CLIP2: variants seen among roughly 807,000 people sequenced by gnomAD.
The protein encoded by CLIP2 is CAP-Gly domain containing linker protein 2.
CLIP2 carries 41 observed loss-of-function variants against 111.7 expected under a neutral mutation model. That is an observed-to-expected ratio of 0.37 (90% confidence interval 0.29 to 0.48). The LOEUF is 0.48. CLIP2 is among the 20% of genes least tolerant of loss of function. CLIP2 has a pLI of 0.99. For missense variants in CLIP2, 1,160 were observed against 1,422.1 expected (o/e 0.82, Z 2.96); for synonymous variants, 660 against 644.2 (o/e 1.02, Z -0.37).
intron 1 of CLIP2, among the ~76,000 whole-genome samples, chr7:74,314,892 G>C (rs568796288): frequency 6.6e-6 from 1 of 152,242 alleles, no homozygotes; most frequent in East Asian, 1.9e-4. Flanking sequence ...CCCCTAAACA[G>C]ATAGCATCAT....
intron 8 of CLIP2, among the ~76,000 whole-genome samples, chr7:74,367,221 C>T (rs1798934807): frequency 6.6e-6 from 1 of 151,212 alleles, no homozygotes; most frequent in Admixed American, 6.6e-5. Flanking sequence ...GATGGAGTCT[C>T]GCTCTGTCAC....
chr7:74,337,280 A>G (rs1424863348), intron 2 of CLIP2, among the ~76,000 whole-genome samples: 5 of 152,094 alleles, frequency 3.3e-5, no homozygotes, highest in Non-Finnish European at 7.4e-5. Flanking sequence ...GGAGAGAGTT[A>G]GGAGGGTTTT....
intron 3 of CLIP2, among the ~76,000 whole-genome samples, chr7:74,347,753 A>G (rs1554306657): frequency 2.6e-5 from 4 of 152,218 alleles, no homozygotes; most frequent in East Asian, 1.9e-4. Flanking sequence ...ATATGTGACT[A>G]TGAATATTCA....
In CLIP2 at chr7:74,376,896, C is replaced by T; in HGVS notation, c.2421+74C>T. The T allele has an allele frequency of 2.2e-6, 3 of 1,348,154 alleles. No homozygotes were observed. The highest frequency in any genetic ancestry group is 3.0e-6 in the Non-Finnish European group (3 of 1,011,350). The allele number at this position is 1,348,154 out of a possible 1,614,324, so 83.5% of individuals were successfully genotyped here. ...GCTTGGCCTTTTGCTGACCTCTGTT[C>T]TGCAGCCCAGGAAGCATTTCCCTTG... On this transcript the variant is annotated intron_variant, in intron 10 of 16. Transcript: ENST00000223398. The surrounding 1 kb of genome is among the most constrained non-coding windows in gnomAD (Gnocchi z 7.1).
At chr7:74,389,664 C>T (rs976967388) in intron 13 of CLIP2, among the ~76,000 whole-genome samples, 13 of 150,730 alleles carry the variant, frequency 8.6e-5, no homozygotes, top group Non-Finnish European at 1.8e-4. Context: ...CTTGGGAGGC[C>T]GAGGCAGCCG....
At chr7:74,383,599 CAGCCATTTTAA>C (rs1554314300) in intron 11 of CLIP2, among the ~76,000 whole-genome samples, 1 of 152,172 alleles carries the variant, frequency 6.6e-6, no homozygotes, top group Non-Finnish European at 1.5e-5. Context: ...AACATACAAT[CAGCCATTTTAA>C]AGCAAACACT....
chr7:74,376,343 G>A lies in CLIP2; in HGVS notation c.1942G>A (p.Glu648Lys), dbSNP rs782209088. Residue 648 changes from glutamate (E) to lysine (K), a missense_variant, in exon 10 of 17, where the codon GAG becomes AAG. Transcript: ENST00000223398. The surrounding 1 kb of genome is among the most constrained non-coding windows in gnomAD (Gnocchi z 7.1). ...GPGAQQKEIG[E>K]LKAVMEGIKM... ...AGGCGCCCAGCAGAAGGAGATCGGCGAGCTGAAGGCAGTGATGGAGGGCAT... is the reference window on the plus strand; with the variant it reads ...AGGCGCCCAGCAGAAGGAGATCGGCAAGCTGAAGGCAGTGATGGAGGGCAT... 1.9e-6 allele frequency: 3 copies of A among 1,613,958 alleles called. No homozygotes were observed. The highest frequency in any genetic ancestry group is 2.5e-6 in the Non-Finnish European group (3 of 1,180,026).
intron 3 of CLIP2, 114 bp downstream of exon 3, chr7:74,339,118 C>A: frequency 1.0e-6 from 1 of 970,270 alleles, no homozygotes; most frequent in Non-Finnish European, 1.5e-6. Flanking sequence ...TCGAAGGGGG[C>A]TCGGACAGGG....
Position 74,319,368 on chromosome 7 carries a change from G to T in CLIP2, c.121+1701G>T, listed in dbSNP as rs140028503. 5.0e-3 allele frequency among the ~76,000 whole-genome samples: 754 copies of T among 151,720 alleles called. 7 individuals carry two copies. The highest frequency in any genetic ancestry group is 0.018 in the African/African-American group (729 of 41,420). On this transcript the variant is annotated intron_variant, in intron 2 of 16. Transcript: ENST00000223398. ...CTCTACTAAAAATACAAAAATTAGC[G>T]GGATGTGGTGGCACCTGTAATCCTA...
intron 14 of CLIP2, 24 bp downstream of exon 14, chr7:74,397,257 G>C: frequency 6.2e-7 from 1 of 1,610,132 alleles, no homozygotes; most frequent in East Asian, 2.2e-5. Flanking sequence ...GGGTGGCCTA[G>C]GGGCAGGGGC....
chr7:74,379,151 A>T (rs953290944), intron 10 of CLIP2, among the ~76,000 whole-genome samples: 2 of 152,064 alleles, frequency 1.3e-5, no homozygotes, highest in African/African-American at 4.8e-5. Flanking sequence ...TGGACCAAGA[A>T]GTAGTAGTGG....
intron 7 of CLIP2, among the ~76,000 whole-genome samples, chr7:74,361,162 C>T (rs1262348752): frequency 1.2e-4 from 3 of 25,570 alleles, no homozygotes; most frequent in Admixed American, 3.9e-4. Flanking sequence ...TTCCCTCCCT[C>T]CCTCCCTCCC....
chr7:74,298,741 C>T (rs1397219752), intron 1 of CLIP2, among the ~76,000 whole-genome samples: 4 of 151,838 alleles, frequency 2.6e-5, no homozygotes, highest in African/African-American at 9.7e-5. Context: ...ACCATGTTGG[C>T]CAGGCTGGTC....
At chr7:74,397,776 C>T (rs1791500537) in intron 14 of CLIP2, among the ~76,000 whole-genome samples, 3 of 150,706 alleles carry the variant, frequency 2.0e-5, no homozygotes, top group Non-Finnish European at 2.9e-5. Flanking sequence ...ACACCATTCT[C>T]CTGCCTCAGC....
At chr7:74,327,541 T>C (rs1789150047) in intron 2 of CLIP2, among the ~76,000 whole-genome samples, 1 of 152,180 alleles carries the variant, frequency 6.6e-6, no homozygotes, top group African/African-American at 2.4e-5. Flanking sequence ...TTTCCATACA[T>C]TTCTAGGAGC....
At chr7:74,317,401 T>G in intron 1 of CLIP2, 79 bp from the exon 2 acceptor site, 10 of 949,384 alleles carry the variant, frequency 1.1e-5, no homozygotes, top group African/African-American at 1.7e-5. Context: ...TCAGGAGGGA[T>G]GTGTGTTGCT....
chr7:74,311,196 G>A (rs1257428622), intron 1 of CLIP2, among the ~76,000 whole-genome samples: 1 of 152,036 alleles, frequency 6.6e-6, no homozygotes, highest in Non-Finnish European at 1.5e-5. Context: ...AGCCAGAATG[G>A]TCTCGATTTC....
chr7:74,391,531 A>G (rs1554315857), intron 13 of CLIP2, among the ~76,000 whole-genome samples: 1 of 152,090 alleles, frequency 6.6e-6, no homozygotes, highest in Non-Finnish European at 1.5e-5. Context: ...TAAAAATCAG[A>G]AGATGGGGCC....
intron 1 of CLIP2, among the ~76,000 whole-genome samples, chr7:74,308,923 G>A (rs1482003543): frequency 1.3e-5 from 2 of 152,026 alleles, no homozygotes; most frequent in African/African-American, 4.8e-5. Context: ...GCTGGAGTGT[G>A]GTAGTGTGAT....
Sources: gnomAD v4.1 joint callset for allele counts (sites outside exome capture counted in the v4.1 genomes callset) on GRCh38, gnomAD v4.1.1 for gene constraint, Gnocchi (gnomAD v3.1) non-coding constraint, MANE v1.5 for transcripts, NCBI Gene and HGNC (gene_info 2026-07-23, HGNC 2026-07-21) for gene names.